Variants in PHACTR3 observed in about 807,000 individuals in gnomAD.
PHACTR3 encodes the protein phosphatase and actin regulator 3, also known as protein phosphatase 1, regulatory subunit 123.
Under a neutral mutation model 66.8 loss-of-function variants are expected in PHACTR3, and 16 were observed. The observed-to-expected ratio is 0.24, with a 90% confidence interval of 0.16 to 0.36. The LOEUF (loss-of-function observed/expected upper bound fraction) is 0.36. Ranked by LOEUF, PHACTR3 falls within the 10% of genes least tolerant of loss-of-function variation. PHACTR3 has a pLI of 1.00. For synonymous variants in PHACTR3, 323 were observed against 292.1 expected (o/e 1.11, Z -1.08); for missense variants, 647 against 719.9 (o/e 0.90, Z 1.16).
At chr20:59,763,144 C>T (rs1237520500) in intron 4 of PHACTR3, among the ~76,000 whole-genome samples, 1 of 152,204 alleles carries the variant, frequency 6.6e-6, no homozygotes, top group Admixed American at 6.5e-5. Flanking sequence ...CCATGCTATT[C>T]TCACAATAGT....
At chr20:59,832,237 T>C (rs1361503030) in intron 8 of PHACTR3, among the ~76,000 whole-genome samples, 1 of 151,520 alleles carries the variant, frequency 6.6e-6, no homozygotes, top group African/African-American at 2.5e-5. Flanking sequence ...GTCTCGCCTG[T>C]AATGTTGGCA....
intron 1 of PHACTR3, among the ~76,000 whole-genome samples, chr20:59,674,862 C>T (rs1398917802): frequency 9.9e-6 from 1 of 100,896 alleles, no homozygotes; most frequent in Non-Finnish European, 1.9e-5. Context: ...CTCCTGTTGC[C>T]CCTTCTCCTG....
intron 1 of PHACTR3, among the ~76,000 whole-genome samples, chr20:59,595,822 T>C (rs996432627): frequency 3.3e-5 from 5 of 152,234 alleles, no homozygotes; most frequent in African/African-American, 1.2e-4. Context: ...ATTGACTCCT[T>C]TATCGTTATG....
chr20:59,673,097 G>A (rs2036250800), intron 1 of PHACTR3, among the ~76,000 whole-genome samples: 2 of 152,202 alleles, frequency 1.3e-5, no homozygotes, highest in African/African-American at 4.8e-5. Context: ...GTGTGAGGCT[G>A]TGTAGTTTGT....
At chr20:59,763,326 T>C (rs570614226) in intron 4 of PHACTR3, among the ~76,000 whole-genome samples, 99 of 152,366 alleles carry the variant, frequency 6.5e-4, no homozygotes, top group African/African-American at 2.2e-3. Flanking sequence ...ATTAAACCTC[T>C]TTTCTTTATA....
intron 1 of PHACTR3, among the ~76,000 whole-genome samples, chr20:59,637,980 T>C (rs2034955495): frequency 6.6e-6 from 1 of 152,194 alleles, no homozygotes; most frequent in South Asian, 2.1e-4. Flanking sequence ...ATGAGGAAAC[T>C]AAAGCTCAGG....
chr20:59,706,597 T>C (rs1286869082), intron 1 of PHACTR3, among the ~76,000 whole-genome samples: 2 of 152,242 alleles, frequency 1.3e-5, no homozygotes, highest in Non-Finnish European at 2.9e-5. Flanking sequence ...TTAGTGTTCA[T>C]GGTTGTTAAG....
At chr20:59,780,929 G>C (rs538953219) in intron 7 of PHACTR3, among the ~76,000 whole-genome samples, 1 of 152,200 alleles carries the variant, frequency 6.6e-6, no homozygotes, top group Non-Finnish European at 1.5e-5. Flanking sequence ...TGAGCGTTCT[G>C]GTTGCCGTGG....
chr20:59,687,169 G>T (rs183938001), intron 1 of PHACTR3, among the ~76,000 whole-genome samples: 2 of 150,740 alleles, frequency 1.3e-5, no homozygotes, highest in East Asian at 3.9e-4. Context: ...GATTGTGATG[G>T]TGGTGGTGAT....
At chr20:59,826,325 T>A (rs1236696772) in intron 8 of PHACTR3, among the ~76,000 whole-genome samples, 2 of 152,240 alleles carry the variant, frequency 1.3e-5, no homozygotes, top group East Asian at 3.9e-4. Context: ...GCACAGATCT[T>A]CGCTGAGTGT....
intron 1 of PHACTR3, among the ~76,000 whole-genome samples, chr20:59,723,692 G>T (rs987681963): frequency 6.6e-6 from 1 of 152,000 alleles, no homozygotes; most frequent in African/African-American, 2.4e-5. Flanking sequence ...CGGTGACTCG[G>T]TCATTGGGGT....
At chr20:59,745,410 A>G (rs1004679789) in intron 2 of PHACTR3, among the ~76,000 whole-genome samples, 2 of 152,184 alleles carry the variant, frequency 1.3e-5, no homozygotes, top group Non-Finnish European at 2.9e-5. Flanking sequence ...CACCAGCAAG[A>G]TGCTCTGGGG....
At chr20:59,788,080 G>A (rs2040973665) in intron 7 of PHACTR3, among the ~76,000 whole-genome samples, 1 of 152,050 alleles carries the variant, frequency 6.6e-6, no homozygotes, top group Admixed American at 6.6e-5. Context: ...CACCATATTT[G>A]TTTGTCTTTT....
At chr20:59,620,370 C>T (rs969346557) in intron 1 of PHACTR3, among the ~76,000 whole-genome samples, 1 of 152,132 alleles carries the variant, frequency 6.6e-6, no homozygotes, top group South Asian at 2.1e-4. Flanking sequence ...GAATTGAGTC[C>T]ATTTTTCTGC....
intron 1 of PHACTR3, among the ~76,000 whole-genome samples, chr20:59,680,630 C>A (rs1314941351): frequency 1.3e-5 from 2 of 152,160 alleles, no homozygotes. Context: ...CGGCGCAACA[C>A]AAATTTGTAA....
intron 1 of PHACTR3, among the ~76,000 whole-genome samples, chr20:59,661,668 C>A (rs530813672): frequency 6.6e-6 from 1 of 152,058 alleles, no homozygotes; most frequent in Non-Finnish European, 1.5e-5. Context: ...TTCCACAGGG[C>A]TTCTTTCTGT....
chr20:59,692,463 A>G (rs2037145680), intron 1 of PHACTR3, among the ~76,000 whole-genome samples: 1 of 152,182 alleles, frequency 6.6e-6, no homozygotes, highest in Non-Finnish European at 1.5e-5. Context: ...TGAGTCTGTC[A>G]TGGTCTCTGT....
Position 59,740,566 on chromosome 20 carries a change from C to T in PHACTR3, c.119-2541C>T, listed in dbSNP as rs931403490. Among the ~76,000 whole-genome samples the T allele has an allele frequency of 5.9e-5, 9 of 152,314 alleles. No homozygotes were observed. The East Asian group carries it at 9.6e-4, about 16-fold the overall frequency. On this transcript the variant is annotated intron_variant, in intron 1 of 12. Coordinates refer to ENST00000371015, the MANE Select transcript of PHACTR3 (RefSeq NM_080672.5). Reference sequence around the variant, plus strand: ...CTAGCCTTGGCATCCCAAAGCATTACGATTACAGGCATGAGCCACTGTACT... The same window carrying T: ...CTAGCCTTGGCATCCCAAAGCATTATGATTACAGGCATGAGCCACTGTACT...
chr20:59,652,587 A>G (rs1310270028), intron 1 of PHACTR3, among the ~76,000 whole-genome samples: 37 of 152,158 alleles, frequency 2.4e-4, no homozygotes, highest in Admixed American at 1.7e-3. Context: ...TCTCATCAAA[A>G]TTAGCATTAA....
Sources: gnomAD v4.1 joint callset for allele counts (sites outside exome capture counted in the v4.1 genomes callset) on GRCh38, gnomAD v4.1.1 for gene constraint, MANE v1.5 for transcripts, NCBI Gene and HGNC (gene_info 2026-07-23, HGNC 2026-07-21) for gene names.